CYSTM1: variants seen among roughly 807,000 people sequenced by gnomAD.
The protein encoded by CYSTM1 is cysteine-rich transmembrane module-containing protein 1.
Under a neutral mutation model 13.1 loss-of-function variants are expected in CYSTM1, and 4 were observed. That is an observed-to-expected ratio of 0.31 (90% CI 0.15 to 0.70). The LOEUF is 0.70. CYSTM1 is among the 30% of genes least tolerant of loss of function. CYSTM1 has a pLI of 0.72. For synonymous variants in CYSTM1, 36 were observed against 42.7 expected (o/e 0.84, Z 0.62); for missense variants, 96 against 121.6 (o/e 0.79, Z 0.99).
intron 1 of CYSTM1, among the ~76,000 whole-genome samples, chr5:140,187,860 A>G (rs543562659): frequency 1.3e-5 from 2 of 152,240 alleles, no homozygotes; most frequent in South Asian, 2.1e-4. Context: ...GGTTTGAAGC[A>G]GAAAGAAAAC....
chr5:140,176,588 T>C (rs922993065), intron 1 of CYSTM1, among the ~76,000 whole-genome samples: 2 of 152,192 alleles, frequency 1.3e-5, no homozygotes. Context: ...CACAACACTT[T>C]GCCCTTCAGA....
chr5:140,232,985 G>A (rs1217946155), intron 2 of CYSTM1, among the ~76,000 whole-genome samples: 3 of 152,130 alleles, frequency 2.0e-5, no homozygotes, highest in African/African-American at 7.2e-5. Flanking sequence ...CCATGCCCTG[G>A]GGAGGTCCTT....
At chr5:140,212,983 G>GTATATATATATATATATATATATA (rs150669111) in intron 2 of CYSTM1, among the ~76,000 whole-genome samples, 36 of 114,288 alleles carry the variant, frequency 3.1e-4, no homozygotes, top group African/African-American at 9.9e-4. Flanking sequence ...CAAAACAAAA[G>GTATATATATATATATATATATATA]TATATATATA....
At chr5:140,184,888 G>A (rs10080146) in intron 1 of CYSTM1, among the ~76,000 whole-genome samples, 36,596 of 152,134 alleles carry the variant, frequency 0.24, 4,449 homozygotes, top group African/African-American at 0.28. Context: ...AAGATTGACT[G>A]TAGTCACATT....
chr5:140,180,243 C>T (rs1009473342), intron 1 of CYSTM1, among the ~76,000 whole-genome samples: 16 of 152,144 alleles, frequency 1.1e-4, no homozygotes, highest in African/African-American at 3.9e-4. Context: ...AGTCCTGTCA[C>T]TCAATCTAGT....
intron 1 of CYSTM1, among the ~76,000 whole-genome samples, chr5:140,178,627 T>G (rs59453051): frequency 0.23 from 34,729 of 151,020 alleles, 4,016 homozygotes; most frequent in African/African-American, 0.25. Context: ...TTGAGACAGG[T>G]TCTGGCTCTG....
intron 2 of CYSTM1, 37 bp from the exon 3 acceptor site, chr5:140,243,268 C>A (rs748304689): frequency 1.3e-6 from 2 of 1,581,708 alleles, no homozygotes; most frequent in South Asian, 1.1e-5. Flanking sequence ...GGGTTTGCAC[C>A]AGTCCATTCT....
At position 140,175,719 on chromosome 5, in the gene CYSTM1, G is replaced by T. The variant is rs1039734555; in HGVS notation, c.-21+434G>T. ...CCTATTCCGAGCTGGGCCAGCCGGG[G>T]GCAGGGGGCAGGTCGCGAGTCCCGC... is the stretch of plus-strand genomic sequence containing the variant. On this transcript the variant is annotated intron_variant, in intron 1 of 2. Transcript: ENST00000261811. The surrounding 1 kb of genome is among the most constrained non-coding windows in gnomAD (Gnocchi z 4.9). Among the ~76,000 whole-genome samples the T allele has an allele frequency of 6.6e-6, 1 of 152,262 alleles. No individual in the cohort carries two copies. Among genetic ancestry groups the T allele is most frequent in the Admixed American group, 6.5e-5 (1 of 15,292 alleles).
chr5:140,226,612 A>ATATATATATATATATATATAT (rs57697155), intron 2 of CYSTM1, among the ~76,000 whole-genome samples: 1 of 90,842 alleles, frequency 1.1e-5, no homozygotes, highest in Non-Finnish European at 2.1e-5. Flanking sequence ...ATATATATAT[A>ATATATATATATATATATATAT]AAAATTAGCC....
At chr5:140,177,046 G>A (rs1207781597) in intron 1 of CYSTM1, among the ~76,000 whole-genome samples, 2 of 117,176 alleles carry the variant, frequency 1.7e-5, no homozygotes, top group Non-Finnish European at 3.3e-5. Flanking sequence ...TCCAGCCTGG[G>A]CGACAGAGCG....
At chr5:140,195,505 G>A (rs533834016) in intron 2 of CYSTM1, among the ~76,000 whole-genome samples, 13 of 145,506 alleles carry the variant, frequency 8.9e-5, no homozygotes, top group Admixed American at 7.7e-4. Flanking sequence ...GCAGTGGCGC[G>A]ATCTCGGCTC....
rs532267389 is a variant in CYSTM1, at chr5:140,208,186, A to C, written c.187+13534A>C. The stretch of plus-strand genomic sequence containing the variant: ...TTCACAATAGCTAAAATCTGGAAAC[A>C]ACCTACATGCCCATCAGCAGATGAC... On this transcript the variant is annotated intron_variant, in intron 2 of 2. Coordinates refer to ENST00000261811, the MANE Select transcript of CYSTM1 (RefSeq NM_032412.4). Among the ~76,000 whole-genome samples, 13 of 152,366 alleles carry C rather than the reference A, an allele frequency of 8.5e-5. No homozygotes were observed. The South Asian group carries it at 2.3e-3, about 27-fold the overall frequency.
chr5:140,193,465 G>A (rs1764116199), intron 1 of CYSTM1, among the ~76,000 whole-genome samples: 1 of 152,134 alleles, frequency 6.6e-6, no homozygotes, highest in Admixed American at 6.5e-5. Flanking sequence ...TGTATTTTTA[G>A]TAGAGACGGG....
intron 2 of CYSTM1, among the ~76,000 whole-genome samples, chr5:140,196,900 A>T (rs1764165974): frequency 6.6e-6 from 1 of 152,344 alleles, no homozygotes; most frequent in Admixed American, 6.5e-5. Context: ...TGGGTTAGGA[A>T]CAAAGGAACT....
intron 2 of CYSTM1, among the ~76,000 whole-genome samples, chr5:140,225,935 C>T (rs1764544350): frequency 6.6e-6 from 1 of 152,212 alleles, no homozygotes; most frequent in African/African-American, 2.4e-5. Context: ...GCCCCTTGCT[C>T]CTAGAATAGC....
At chr5:140,201,789 C>T (rs921600365) in intron 2 of CYSTM1, 6 of 152,064 alleles carry the variant, frequency 3.9e-5, no homozygotes, top group South Asian at 2.1e-4. Context: ...TAACCAGCAA[C>T]GGAGGTTCAC....
intron 2 of CYSTM1, among the ~76,000 whole-genome samples, chr5:140,199,474 T>G (rs150624682): frequency 6.6e-6 from 1 of 152,122 alleles, no homozygotes; most frequent in Non-Finnish European, 1.5e-5. Flanking sequence ...ATCTATTGTT[T>G]CCTGACTTTT....
chr5:140,195,183 C>A (rs1431289173), intron 2 of CYSTM1, among the ~76,000 whole-genome samples: 1 of 152,132 alleles, frequency 6.6e-6, no homozygotes, highest in Non-Finnish European at 1.5e-5. Flanking sequence ...AGTCTGTAGA[C>A]AAATGCCAGT....
chr5:140,198,965 C>T lies in CYSTM1; in HGVS notation c.187+4313C>T, dbSNP rs1364739839. ...TGCTATCCCTCCCCTAGCCCCCCAA[C>T]TCCCCGACAGGCCCCAGTGTGTGGT... On this transcript the variant is annotated intron_variant, in intron 2 of 2. Coordinates refer to ENST00000261811, the MANE Select transcript of CYSTM1 (RefSeq NM_032412.4). 2.0e-5 allele frequency among the ~76,000 whole-genome samples: 3 copies of T among 152,052 alleles called. No homozygotes were observed. In the East Asian group the frequency reaches 5.8e-4, roughly 29 times the overall value.
Sources: gnomAD v4.1 joint callset for allele counts (sites outside exome capture counted in the v4.1 genomes callset) on GRCh38, gnomAD v4.1.1 for gene constraint, Gnocchi (gnomAD v3.1) non-coding constraint, MANE v1.5 for transcripts, NCBI Gene and HGNC (gene_info 2026-07-23, HGNC 2026-07-21) for gene names.